WT1: variants seen among roughly 807,000 people sequenced by gnomAD.
The protein encoded by WT1 is WT1 transcription factor.
In WT1, 8 loss-of-function variants were observed where a neutral mutation model predicts 60.8. The ratio of observed to expected loss-of-function variants is 0.13; its 90% CI spans 0.08 to 0.24. The LOEUF is 0.24. WT1 is among the 10% of genes least tolerant of loss of function. The pLI is 1.00. For missense variants in WT1, 568 were observed against 711.8 expected (o/e 0.80, Z 2.30); for synonymous variants, 312 against 297.1 (o/e 1.05, Z -0.52).
chr11:32,434,951 G>T lies in WT1; in HGVS notation c.410C>A (p.Pro137Gln), dbSNP rs1384739797. 2.6e-6 allele frequency: 4 copies of T among 1,567,730 alleles called. No individual in the cohort carries two copies. The highest frequency in any genetic ancestry group is 2.3e-5 in the East Asian group (1 of 43,202). Residue 137 changes from proline (P) to glutamine (Q), a missense_variant, in exon 1 of 10, where the codon CCG (proline) becomes CAG (glutamine). By Grantham distance (76) the Pro-to-Gln change is moderately conservative. This residue lies in a region of WT1 where 523 missense variants were observed against 565.1 expected (regional missense o/e 0.93). Transcript: ENST00000452863. ...GATGAAGGAGTGAGGCGGCGGCGGC[G>T]GGGGTGGCGGCGGAGCCGGTGGCGG...
chr11:32,405,372 T>C (rs1159905385), intron 5 of WT1, among the ~76,000 whole-genome samples: 1 of 152,004 alleles, frequency 6.6e-6, no homozygotes, highest in Non-Finnish European at 1.5e-5. Flanking sequence ...AAAGAATCAC[T>C]GTCGGGTCAA....
At chr11:32,399,403 A>G (rs1217089781) in intron 6 of WT1, among the ~76,000 whole-genome samples, 1 of 152,220 alleles carries the variant, frequency 6.6e-6, no homozygotes, top group African/African-American at 2.4e-5. Flanking sequence ...TTGGCTCATC[A>G]ATTATAACAA....
At chr11:32,400,431 G>A (rs1569776) in intron 5 of WT1, 68,515 of 357,916 alleles carry the variant, frequency 0.19, 9,192 homozygotes, top group East Asian at 0.65. Context: ...CACGTTAAGT[G>A]CACTGAATTT....
intron 3 of WT1, among the ~76,000 whole-genome samples, chr11:32,421,227 A>C (rs1324925305): frequency 6.6e-6 from 1 of 152,236 alleles, no homozygotes; most frequent in Non-Finnish European, 1.5e-5. Context: ...ATGGAAGCCC[A>C]TGGAAAGAGG....
chr11:32,410,455 G>A (rs955767908), intron 5 of WT1, among the ~76,000 whole-genome samples: 3 of 152,058 alleles, frequency 2.0e-5, no homozygotes, highest in African/African-American at 7.3e-5. Context: ...AAATCCATCT[G>A]TTTCAGGCTT....
intron 5 of WT1, among the ~76,000 whole-genome samples, chr11:32,412,443 A>G (rs889280277): frequency 1.3e-5 from 2 of 152,184 alleles, no homozygotes; most frequent in South Asian, 2.1e-4. Flanking sequence ...GAGTCCCCAG[A>G]GAATAACTTC....
chr11:32,428,917 C>A, intron 1 of WT1: 4 of 469,910 alleles, frequency 8.5e-6, no homozygotes, highest in South Asian at 8.3e-5. Flanking sequence ...GCAGCGAACC[C>A]CTGGCAAATT....
rs2234583 is a variant in WT1 at position 32,434,752 on chromosome 11, G to C, written c.609C>G (p.Asn203Lys). The C allele has an allele frequency of 6.2e-7, 1 of 1,612,788 alleles. No homozygotes were observed. Among genetic ancestry groups the C allele is most frequent in the Non-Finnish European group, 8.5e-7 (1 of 1,179,870 alleles). Residue 203 changes from asparagine (N) to lysine (K), a missense_variant, in exon 1 of 10, where the codon AAC becomes AAG. Physicochemically the swap from Asn to Lys is moderately conservative, Grantham distance 94 (BLOSUM62 0). Coordinates refer to ENST00000452863, the MANE Select transcript of WT1 (RefSeq NM_024426.6). ...CGAGGCAGCTGGGCAGGTAGGGCGC[G>C]TTAGGAAACATCCTGGCCTGGCCGG...
At chr11:32,408,975 T>C (rs1014539150) in intron 5 of WT1, among the ~76,000 whole-genome samples, 1 of 152,198 alleles carries the variant, frequency 6.6e-6, no homozygotes, top group Non-Finnish European at 1.5e-5. Flanking sequence ...GAATTCTCAG[T>C]GGTTATGCCA....
chr11:32,421,419 G>A lies in WT1; in HGVS notation c.888-3765C>T, dbSNP rs117885281. 8.5e-5 allele frequency among the ~76,000 whole-genome samples: 13 copies of A among 152,348 alleles called. No homozygotes were observed. In the East Asian group the frequency reaches 1.5e-3, roughly 18 times the overall value. ...ACCGTCTAACTCTGCCTGTTCGGAAGTGAACTTTCAAATTGCAGGCTGCCA... is the reference window on the plus strand; with the variant it reads ...ACCGTCTAACTCTGCCTGTTCGGAAATGAACTTTCAAATTGCAGGCTGCCA... On this transcript the variant is annotated intron_variant, in intron 3 of 9. Coordinates refer to ENST00000452863, the MANE Select transcript of WT1 (RefSeq NM_024426.6).
rs752083059 is a variant in WT1 at position 32,434,688 on chromosome 11, C to G, written c.661+12G>C. Reference sequence around the variant, plus strand: ...TGCCCCGCGCGTAGGGGGCGCTCCCCGGCCTACTTACCCTGATTGCGAATA... The same window carrying G: ...TGCCCCGCGCGTAGGGGGCGCTCCCGGGCCTACTTACCCTGATTGCGAATA... On this transcript the variant is annotated intron_variant, in intron 1 of 9. Transcript: ENST00000452863. 1 of 1,612,722 alleles carries G rather than the reference C, an allele frequency of 6.2e-7. No individual in the cohort carries two copies. Among genetic ancestry groups the G allele is most frequent in the Non-Finnish European group, 8.5e-7 (1 of 1,179,900 alleles).
At chr11:32,400,603 T>A (rs952194210) in intron 5 of WT1, 6 of 218,690 alleles carry the variant, frequency 2.7e-5, no homozygotes, top group Admixed American at 1.6e-4. Flanking sequence ...GTAGCCAGCC[T>A]GTGCTGTAGG....
rs768271212 is a variant in WT1, at chr11:32,392,628, G to T, written c.1354+38C>A. 8 of 1,584,692 alleles carry T rather than the reference G, an allele frequency of 5.0e-6. No homozygotes were observed. The Admixed American group carries it at 1.2e-4, about 23-fold the overall frequency. On this transcript the variant is annotated intron_variant, in intron 8 of 9. Coordinates refer to ENST00000452863, the MANE Select transcript of WT1 (RefSeq NM_024426.6). The stretch of plus-strand genomic sequence containing the variant: ...TCATGAAATCAACCCTAGCCCAAGG[G>T]AACACAGCTGCCAGCAATGAGAAGT...
intron 5 of WT1, among the ~76,000 whole-genome samples, chr11:32,416,087 C>T (rs1003097398): frequency 3.3e-5 from 5 of 152,150 alleles, no homozygotes; most frequent in African/African-American, 1.2e-4. Context: ...TGGCCTCAGA[C>T]TTAGGGTAAG....
At chr11:32,419,768 G>A (rs767668626) in intron 3 of WT1, among the ~76,000 whole-genome samples, 17 of 152,280 alleles carry the variant, frequency 1.1e-4, no homozygotes, top group South Asian at 4.1e-4. Context: ...ATTTCAGTTC[G>A]CTGCAACCTC....
chr11:32,428,712 G>T, intron 1 of WT1, 93 bp from the exon 2 acceptor site: 2 of 1,535,756 alleles, frequency 1.3e-6, no homozygotes, highest in South Asian at 2.4e-5. Flanking sequence ...GGGGGTGTGC[G>T]CTGAACCCCG....
At chr11:32,415,386 C>T (rs537467935) in intron 5 of WT1, among the ~76,000 whole-genome samples, 25 of 152,260 alleles carry the variant, frequency 1.6e-4, no homozygotes, top group African/African-American at 5.5e-4. Context: ...CGGTGGCTCA[C>T]GCCTGTAATC....
At chr11:32,391,541 T>A (rs528729105) in intron 9 of WT1, among the ~76,000 whole-genome samples, 6 of 152,220 alleles carry the variant, frequency 3.9e-5, no homozygotes, top group Non-Finnish European at 7.3e-5. Context: ...GTGCATTAAC[T>A]TTTAACAGAG....
intron 7 of WT1, among the ~76,000 whole-genome samples, chr11:32,395,657 T>A (rs1207004429): frequency 6.6e-6 from 1 of 152,100 alleles, no homozygotes; most frequent in Non-Finnish European, 1.5e-5. Context: ...AGACGGGGTT[T>A]CACCTTGTTG....
Sources: gnomAD v4.1 joint callset for allele counts (sites outside exome capture counted in the v4.1 genomes callset) on GRCh38, gnomAD v4.1.1 for gene constraint, gnomAD v4.1.1 regional missense constraint, MANE v1.5 for transcripts, NCBI Gene and HGNC (gene_info 2026-07-23, HGNC 2026-07-21) for gene names.